The following RBM26 variants were observed in gnomAD, a reference collection of about 807,000 sequenced individuals.
RBM26 encodes RNA binding motif protein 26.
RBM26 carries 30 observed loss-of-function variants against 123.6 expected under a neutral mutation model. That is an observed-to-expected ratio of 0.24 (90% CI 0.18 to 0.33). The LOEUF is 0.33. Ranked by LOEUF, RBM26 falls within the 10% of genes least tolerant of loss-of-function variation. The pLI is 1.00. For synonymous variants in RBM26, 400 were observed against 404.4 expected (o/e 0.99, Z 0.13); for missense variants, 947 against 1,203.6 (o/e 0.79, Z 3.15).
intron 11 of RBM26, among the ~76,000 whole-genome samples, chr13:79,357,746 T>G (rs933597640): frequency 1.3e-5 from 2 of 152,162 alleles, no homozygotes; most frequent in African/African-American, 4.8e-5. Context: ...GTGATTAACT[T>G]TGCTGTAGTT....
Position 79,359,682 on chromosome 13 carries a change from C to T in RBM26, c.1422G>A (p.Lys474=), listed in dbSNP as rs200697676. Reference sequence around the variant, plus strand: ...TCCTCATACTGCTTTTATTGGGAGGCTTTTCTGTTTTAAAACAAAAGAAAA... The same window carrying T: ...TCCTCATACTGCTTTTATTGGGAGGTTTTTCTGTTTTAAAACAAAAGAAAA... ...SGDMDLPPRE[K]PPNKSSMRIV... The change falls in exon 10 of 22, where the codon AAG becomes AAA. Residue 474 remains lysine (K), a synonymous_variant. Transcript: ENST00000438737. 2 of 1,520,634 alleles carry T rather than the reference C, an allele frequency of 1.3e-6. No homozygotes were observed. The highest frequency in any genetic ancestry group is 1.4e-5 in the African/African-American group (1 of 69,980). 94.2% of individuals were successfully genotyped at this position (1,520,634 alleles called of 1,614,324 possible).
At chr13:79,336,190 AAATT>A (rs1422034122) in intron 19 of RBM26, among the ~76,000 whole-genome samples, 1 of 152,194 alleles carries the variant, frequency 6.6e-6, no homozygotes, top group Non-Finnish European at 1.5e-5. Flanking sequence ...TTTAAGATCT[AAATT>A]ACAGTTTTAC....
chr13:79,392,530 A>C (rs7986306), intron 1 of RBM26, among the ~76,000 whole-genome samples: 73,689 of 145,698 alleles, frequency 0.51, 19,021 homozygotes, highest in Middle Eastern at 0.59. Flanking sequence ...ATTATATGTT[A>C]TATATTATAT....
In RBM26 at chr13:79,396,781, G is replaced by A. The variant is rs960677267; in HGVS notation, c.71+8923C>T. ...CCATAATATAACATGACCAAGCCTG[G>A]TTTACCTCAGGAATACAAGATTGGC... On this transcript the variant is annotated intron_variant, in intron 1 of 21. Coordinates refer to ENST00000438737, the MANE Select transcript of RBM26 (RefSeq NM_001366735.2). Among the ~76,000 whole-genome samples the A allele has an allele frequency of 1.1e-4, 16 of 152,172 alleles. No individual in the cohort carries two copies. The East Asian group carries it at 2.9e-3, about 28-fold the overall frequency.
In RBM26 at chr13:79,371,876, G is replaced by A; in HGVS notation, c.382C>T (p.Pro128Ser). Residue 128 changes from proline to serine, a missense_variant, in exon 4 of 22, where the codon CCT (proline) becomes TCT (serine). Coordinates refer to ENST00000438737, the MANE Select transcript of RBM26 (RefSeq NM_001366735.2). Reference sequence around the variant, plus strand: ...CTGTATCGGGAGCTTGACTGGGGAGGACTGTGATTTAGCCTTCTAGAAAAC... The same window carrying A: ...CTGTATCGGGAGCTTGACTGGGGAGAACTGTGATTTAGCCTTCTAGAAAAC... ...KKFSRRLNHS[P>S]PQSSSRYREN... 1 of 1,612,418 alleles carries A rather than the reference G, an allele frequency of 6.2e-7. No individual in the cohort carries two copies. Among genetic ancestry groups the A allele is most frequent in the East Asian group, 2.2e-5 (1 of 44,846 alleles).
In RBM26 at chr13:79,342,849, A is replaced by C; in HGVS notation, c.2260-18T>G. On this transcript the variant is annotated intron_variant, in intron 16 of 21. Transcript: ENST00000438737. The stretch of plus-strand genomic sequence containing the variant: ...ATTAACATCTGCCAAATTTTTAAAA[A>C]GAGAAAAATAAAGCTAATTACTCCT... 1 of 1,513,256 alleles carries C rather than the reference A, an allele frequency of 6.6e-7. No homozygotes were observed. Among genetic ancestry groups the C allele is most frequent in the Non-Finnish European group, 9.0e-7 (1 of 1,107,370 alleles). 93.7% of individuals were successfully genotyped at this position (1,513,256 alleles called of 1,614,324 possible).
chr13:79,343,087 T>C (rs1204901659), intron 16 of RBM26, among the ~76,000 whole-genome samples: 5 of 151,716 alleles, frequency 3.3e-5, no homozygotes, highest in Admixed American at 6.6e-5. Flanking sequence ...GAACATAAGT[T>C]TGAAGCACAC....
chr13:79,365,718 T>A lies in RBM26; in HGVS notation c.1277A>T (p.Asp426Val). The A allele has an allele frequency of 6.2e-7, 1 of 1,609,464 alleles. No individual in the cohort carries two copies. Among genetic ancestry groups the A allele is most frequent in the Non-Finnish European group, 8.5e-7 (1 of 1,178,722 alleles). ...ATTGTAGCCATCTGTGTCATATGTA[T>A]CTGGTAATACAAAAACTGTAATTAA... ...PPAPPSLFTADTYDTDGYNPE... is the reference protein window; with the variant it reads ...PPAPPSLFTAVTYDTDGYNPE... Residue 426 changes from aspartate to valine, a missense_variant and splice_region_variant, in exon 9 of 22, where the codon GAT (aspartate) becomes GTT (valine). Transcript: ENST00000438737.
chr13:79,355,949 C>G (rs1196329511), intron 11 of RBM26, among the ~76,000 whole-genome samples: 1 of 152,172 alleles, frequency 6.6e-6, no homozygotes, highest in Non-Finnish European at 1.5e-5. Flanking sequence ...TAGACACTTA[C>G]AGCTAATAAG....
intron 1 of RBM26, among the ~76,000 whole-genome samples, chr13:79,402,154 G>C (rs547212196): frequency 1.1e-4 from 17 of 151,424 alleles, no homozygotes; most frequent in African/African-American, 3.9e-4. Flanking sequence ...TTTTTTTCAG[G>C]ACTTCTCATC....
In RBM26 at chr13:79,405,912, G is replaced by A. The variant is rs982253486; in HGVS notation, c.-138C>T. The A allele has an allele frequency of 1.0e-4, 38 of 380,338 alleles. No individual in the cohort carries two copies. The highest frequency in any genetic ancestry group is 1.6e-4 in the Non-Finnish European group (35 of 221,452). 23.6% of individuals were successfully genotyped at this position (380,338 alleles called of 1,614,324 possible). ...GAGGCGCCGGTGGCAGGTTCCCGCGGGCCCCGGTCGGCGAACAGCTCTGCA... is the reference window on the plus strand; with the variant it reads ...GAGGCGCCGGTGGCAGGTTCCCGCGAGCCCCGGTCGGCGAACAGCTCTGCA... On this transcript the variant is annotated 5_prime_UTR_variant, in exon 1 of 22. Coordinates refer to ENST00000438737, the MANE Select transcript of RBM26 (RefSeq NM_001366735.2).
intron 3 of RBM26, 86 bp downstream of exon 3, chr13:79,377,293 C>T: frequency 1.6e-6 from 2 of 1,214,678 alleles, no homozygotes; most frequent in Non-Finnish European, 2.4e-6. Context: ...AGGACTCCAA[C>T]ACAAAGATAT....
chr13:79,353,687 C>T (rs1594234988), intron 13 of RBM26, among the ~76,000 whole-genome samples: 1 of 152,080 alleles, frequency 6.6e-6, no homozygotes, highest in Non-Finnish European at 1.5e-5. Flanking sequence ...TTCTGCATGT[C>T]CTTGCAGAAA....
At chr13:79,371,738 A>C in intron 4 of RBM26, 104 bp downstream of exon 4, 1 of 747,216 alleles carries the variant, frequency 1.3e-6, no homozygotes, top group Non-Finnish European at 2.3e-6. Flanking sequence ...CCAATAAAAG[A>C]GTAGATATTA....
At position 79,319,949 on chromosome 13, in the gene RBM26, C is replaced by CTTTTTTTTTTTTTTTTTTTTT. The variant is rs56071300; in HGVS notation, c.*651_*671dup. ...TTTAAATCAAGGAACATTGTCTTGG[C>CTTTTTTTTTTTTTTTTTTTTT]TTTTTTTTTTTTTTTTTTTTTGTCA... On this transcript the variant is annotated 3_prime_UTR_variant, in exon 22 of 22. Transcript: ENST00000438737. 9.6e-6 allele frequency: 1 copy of CTTTTTTTTTTTTTTTTTTTTT among 104,680 alleles called. No individual in the cohort carries two copies. The highest frequency in any genetic ancestry group is 1.1e-5 in the Non-Finnish European group (1 of 94,060). The allele number at this position is 104,680 out of a possible 1,614,324, so 6.5% of individuals were successfully genotyped here.
intron 1 of RBM26, among the ~76,000 whole-genome samples, chr13:79,387,669 A>C (rs1566565015): frequency 6.6e-6 from 1 of 152,156 alleles, no homozygotes; most frequent in Non-Finnish European, 1.5e-5. Flanking sequence ...TTCCCATTCC[A>C]GTAACTTTTA....
chr13:79,353,968 A>C (rs1274742128), intron 13 of RBM26, among the ~76,000 whole-genome samples: 1 of 152,218 alleles, frequency 6.6e-6, no homozygotes, highest in Admixed American at 6.5e-5. Context: ...GAGCAGTCTA[A>C]GTACTTAAAA....
chr13:79,324,164 G>T (rs1593903152), intron 20 of RBM26, among the ~76,000 whole-genome samples: 1 of 151,652 alleles, frequency 6.6e-6, no homozygotes, highest in South Asian at 2.1e-4. Flanking sequence ...ATTCTGTGAG[G>T]AATTCGGAGT....
intron 20 of RBM26, among the ~76,000 whole-genome samples, chr13:79,323,968 CTAT>C (rs974866645): frequency 7.6e-4 from 3 of 3,924 alleles, no homozygotes; most frequent in East Asian, 0.12. Flanking sequence ...TTTGATAAAA[CTAT>C]TGTTTTATAT....
Sources: gnomAD v4.1 joint callset for allele counts (sites outside exome capture counted in the v4.1 genomes callset) on GRCh38, gnomAD v4.1.1 for gene constraint, MANE v1.5 for transcripts, NCBI Gene and HGNC (gene_info 2026-07-23, HGNC 2026-07-21) for gene names.